Variants in HS3ST4 observed in about 807,000 individuals in gnomAD.
HS3ST4 encodes heparan sulfate-glucosamine 3-sulfotransferase 4, also known as heparan sulfate glucosamine 3-O-sulfotransferase 4.
In HS3ST4, 17 loss-of-function variants were observed where a neutral mutation model predicts 29.2. The ratio of observed to expected loss-of-function variants is 0.58; its 90% CI spans 0.40 to 0.87. The LOEUF (loss-of-function observed/expected upper bound fraction) is 0.87. Among genes scored for constraint, HS3ST4 ranks in the 40% least tolerant of loss-of-function variants. The pLI, the probability that HS3ST4 is intolerant of heterozygous loss-of-function variation, is 0.00. For synonymous variants in HS3ST4, 314 were observed against 285.7 expected, an observed-to-expected ratio of 1.10 and a Z score of -1.00; for missense variants, 627 against 634.5, an observed-to-expected ratio of 0.99 and a Z score of 0.13.
chr16:26,122,456 A>T (rs1596689447), intron 1 of HS3ST4, among the ~76,000 whole-genome samples: 1 of 152,226 alleles, frequency 6.6e-6, no homozygotes, highest in African/African-American at 2.4e-5. Context: ...ATCACATTGC[A>T]AAAGGTCAGG....
intron 1 of HS3ST4, among the ~76,000 whole-genome samples, chr16:25,701,091 C>T (rs566262005): frequency 2.0e-5 from 3 of 152,314 alleles, no homozygotes; most frequent in Admixed American, 2.0e-4. Flanking sequence ...CACTAGGCCC[C>T]TGTCTCTTTC....
chr16:25,711,532 G>C (rs552203535), intron 1 of HS3ST4, among the ~76,000 whole-genome samples: 3 of 152,142 alleles, frequency 2.0e-5, no homozygotes, highest in Non-Finnish European at 4.4e-5. Context: ...GAGACATCAG[G>C]TGTTTGCTCA....
intron 1 of HS3ST4, among the ~76,000 whole-genome samples, chr16:25,840,970 GTTTGTTTATTTATTTATTTATTTA>G (rs1344128786): frequency 7.7e-5 from 10 of 129,232 alleles, no homozygotes; most frequent in South Asian, 4.9e-4. Flanking sequence ...ATTTATATTT[GTTTGTTTATTTATTTATTTATTTA>G]TTTATTTATT....
At chr16:26,086,145 G>T (rs1402494173) in intron 1 of HS3ST4, among the ~76,000 whole-genome samples, 1 of 151,928 alleles carries the variant, frequency 6.6e-6, no homozygotes, top group African/African-American at 2.4e-5. Context: ...ATTCACTCAT[G>T]TCCCTTGCTC....
intron 1 of HS3ST4, among the ~76,000 whole-genome samples, chr16:25,982,095 C>T (rs975830449): frequency 1.3e-5 from 2 of 152,096 alleles, no homozygotes; most frequent in East Asian, 1.9e-4. Context: ...GCCCAGTGGC[C>T]CTCATTTACA....
chr16:25,844,180 A>G (rs953639646), intron 1 of HS3ST4, among the ~76,000 whole-genome samples: 3 of 152,246 alleles, frequency 2.0e-5, no homozygotes, highest in African/African-American at 4.8e-5. Flanking sequence ...TCCCTGGTTC[A>G]CTATCATTCT....
intron 1 of HS3ST4, among the ~76,000 whole-genome samples, chr16:26,109,889 CACTT>C (rs1899106165): frequency 6.6e-6 from 1 of 152,148 alleles, no homozygotes; most frequent in Non-Finnish European, 1.5e-5. Flanking sequence ...TCACATCACA[CACTT>C]TTTTTTGTGG....
Position 25,960,080 on chromosome 16 carries a change from A to G in HS3ST4, c.735-175532A>G, listed in dbSNP as rs564183179. Among the ~76,000 whole-genome samples, 7 of 152,208 alleles carry G rather than the reference A, an allele frequency of 4.6e-5. No homozygotes were observed. In the East Asian group the frequency reaches 1.4e-3, roughly 29 times the overall value. On this transcript the variant is annotated intron_variant, in intron 1 of 1. Transcript: ENST00000331351. The stretch of plus-strand genomic sequence containing the variant: ...GAACCCAGGAGGCAGAGGTTGCAGT[A>G]AGCCGAGATCATGCCATTGCACTCC...
At position 25,752,142 on chromosome 16, in the gene HS3ST4, C is replaced by T. The variant is rs1034550454; in HGVS notation, c.734+58991C>T. Among the ~76,000 whole-genome samples the T allele has an allele frequency of 2.6e-5, 4 of 152,226 alleles. 1 individual carries two copies. The highest frequency in any genetic ancestry group is 2.6e-4 in the Admixed American group (4 of 15,280). ...TTCATTATTCAGTGAATAAATATGT[C>T]ACACAAAGAGAAGTTTCATGACAGA... On this transcript the variant is annotated intron_variant, in intron 1 of 1. Transcript: ENST00000331351.
chr16:25,828,803 C>CCT (rs1967263981), intron 1 of HS3ST4, among the ~76,000 whole-genome samples: 1 of 152,140 alleles, frequency 6.6e-6, no homozygotes, highest in African/African-American at 2.4e-5. Context: ...AGGGTAATGG[C>CCT]CTCTAGCTAG....
chr16:25,698,705 A>G lies in HS3ST4; in HGVS notation c.734+5554A>G, dbSNP rs557193661. ...ATCAGTTTAGTCTCGTGTATGCTCT[A>G]CTTCCTATCACAGCTGTCATAATAT... is the stretch of plus-strand genomic sequence containing the variant. On this transcript the variant is annotated intron_variant, in intron 1 of 1. Coordinates refer to ENST00000331351, the MANE Select transcript of HS3ST4 (RefSeq NM_006040.3). 1.3e-5 allele frequency among the ~76,000 whole-genome samples: 2 copies of G among 152,312 alleles called. 1 individual carries two copies. The highest frequency in any genetic ancestry group is 4.1e-4 in the South Asian group (2 of 4,822).
intron 1 of HS3ST4, among the ~76,000 whole-genome samples, chr16:25,828,242 C>CTTTTTCTGTCTTTCTT (rs1371928058): frequency 0.022 from 1,649 of 74,996 alleles, 191 homozygotes; most frequent in African/African-American, 0.037. Flanking sequence ...TTCTTTCTTT[C>CTTTTTCTGTCTTTCTT]TCTTTCTTTC....
At chr16:25,915,520 TA>T (rs1968285524) in intron 1 of HS3ST4, among the ~76,000 whole-genome samples, 1 of 152,210 alleles carries the variant, frequency 6.6e-6, no homozygotes, top group South Asian at 2.1e-4. Flanking sequence ...AGAATACTTT[TA>T]AAGTAAAATA....
chr16:25,796,435 C>G (rs963561330), intron 1 of HS3ST4, among the ~76,000 whole-genome samples: 17 of 152,150 alleles, frequency 1.1e-4, no homozygotes, highest in Non-Finnish European at 2.9e-5. Flanking sequence ...ACAAGTGACT[C>G]AACCTTAGAA....
At chr16:25,943,050 C>G (rs575297037) in intron 1 of HS3ST4, among the ~76,000 whole-genome samples, 1 of 152,302 alleles carries the variant, frequency 6.6e-6, no homozygotes, top group South Asian at 2.1e-4. Context: ...ATAACACTAA[C>G]CATAACCATA....
At chr16:25,799,917 A>G (rs1321542895) in intron 1 of HS3ST4, among the ~76,000 whole-genome samples, 1 of 152,126 alleles carries the variant, frequency 6.6e-6, no homozygotes, top group Non-Finnish European at 1.5e-5. Flanking sequence ...ATTCAGAAGC[A>G]TGGTCATAGC....
intron 1 of HS3ST4, among the ~76,000 whole-genome samples, chr16:26,066,113 C>G (rs1898538976): frequency 6.6e-6 from 1 of 152,152 alleles, no homozygotes; most frequent in Non-Finnish European, 1.5e-5. Flanking sequence ...CACTATGAAT[C>G]CTAAAATGCA....
chr16:25,967,277 C>A (rs889428055), intron 1 of HS3ST4, among the ~76,000 whole-genome samples: 2 of 152,096 alleles, frequency 1.3e-5, no homozygotes, highest in Non-Finnish European at 2.9e-5. Context: ...CCTCAGTCTC[C>A]CCAGTAGCTG....
At chr16:25,742,475 T>C (rs1966661361) in intron 1 of HS3ST4, among the ~76,000 whole-genome samples, 1 of 152,172 alleles carries the variant, frequency 6.6e-6, no homozygotes, top group African/African-American at 2.4e-5. Context: ...CATGGGAACC[T>C]TGGATTCAGG....
Sources: gnomAD v4.1 joint callset for allele counts (sites outside exome capture counted in the v4.1 genomes callset) on GRCh38, gnomAD v4.1.1 for gene constraint, MANE v1.5 for transcripts, NCBI Gene and HGNC (gene_info 2026-07-23, HGNC 2026-07-21) for gene names.